Variants in KDM7A observed in about 807,000 individuals in gnomAD.
The protein encoded by KDM7A is lysine demethylase 7A.
A neutral mutation model predicts 114.8 loss-of-function variants in KDM7A; 28 were observed. The ratio of observed to expected loss-of-function variants is 0.24; its 90% CI spans 0.18 to 0.33. The LOEUF (loss-of-function observed/expected upper bound fraction) is 0.33. Among genes scored for constraint, KDM7A ranks in the 10% least tolerant of loss-of-function variants. The probability of loss-of-function intolerance (pLI) is 1.00; values close to 1 mark genes in which losing one functional copy is unlikely to be tolerated. For synonymous variants in KDM7A, 423 were observed against 397.8 expected (o/e 1.06, Z -0.75); for missense variants, 942 against 1,142.5 (o/e 0.82, Z 2.53).
intron 1 of KDM7A, among the ~76,000 whole-genome samples, chr7:140,152,558 A>C (rs1280540944): frequency 2.0e-5 from 3 of 151,604 alleles, no homozygotes; most frequent in African/African-American, 7.3e-5. Flanking sequence ...CGGGAGGCGG[A>C]GGTTACAGTG....
At chr7:140,116,095 A>T (rs1190588608) in intron 9 of KDM7A, among the ~76,000 whole-genome samples, 1 of 152,202 alleles carries the variant, frequency 6.6e-6, no homozygotes, top group Non-Finnish European at 1.5e-5. Context: ...AATTGGAAAC[A>T]ATTTGGCAGC....
At chr7:140,134,027 T>A (rs1005348770) in intron 2 of KDM7A, among the ~76,000 whole-genome samples, 2 of 152,208 alleles carry the variant, frequency 1.3e-5, no homozygotes, top group Admixed American at 1.3e-4. Context: ...ATAATCCAAA[T>A]CGTCTTCTCA....
intron 17 of KDM7A, among the ~76,000 whole-genome samples, chr7:140,095,981 T>C (rs111962388): frequency 2.0e-5 from 3 of 152,202 alleles, no homozygotes; most frequent in Non-Finnish European, 2.9e-5. Flanking sequence ...ATATTTATTA[T>C]ATAGGCATTC....
In KDM7A at chr7:140,099,053, T is replaced by C. The variant is rs760008346; in HGVS notation, c.1764-20A>G. On this transcript the variant is annotated intron_variant, in intron 13 of 19. Transcript: ENST00000397560. ...TCATCTCTGTATTAAGAAGGAAAAG[T>C]AATCAGAATATAGTGCAAGACTCTG... 14 of 1,589,492 alleles carry C rather than the reference T, an allele frequency of 8.8e-6. No individual in the cohort carries two copies. The South Asian group carries it at 1.2e-4, about 14-fold the overall frequency.
intron 11 of KDM7A, among the ~76,000 whole-genome samples, chr7:140,105,923 C>G (rs1025311178): frequency 3.3e-5 from 5 of 152,016 alleles, no homozygotes; most frequent in African/African-American, 1.2e-4. Context: ...TGGTCCTGGA[C>G]TTTTTTTGGG....
chr7:140,161,944 T>C (rs369481171), intron 1 of KDM7A, among the ~76,000 whole-genome samples: 25 of 152,274 alleles, frequency 1.6e-4, no homozygotes, highest in East Asian at 9.6e-4. Flanking sequence ...CTGACAACAG[T>C]TTTTGCACAT....
chr7:140,101,156 C>T (rs1818218990), intron 12 of KDM7A, among the ~76,000 whole-genome samples: 3 of 152,000 alleles, frequency 2.0e-5, no homozygotes. Flanking sequence ...TTTAAAATGG[C>T]TGCTTATCCT....
intron 1 of KDM7A, among the ~76,000 whole-genome samples, chr7:140,172,109 G>C (rs1230570787): frequency 3.3e-5 from 5 of 152,130 alleles, no homozygotes; most frequent in Admixed American, 3.3e-4. Flanking sequence ...CACTGTAGGT[G>C]AAAGTAGAAA....
chr7:140,098,450 C>T (rs1345876635), intron 14 of KDM7A, among the ~76,000 whole-genome samples: 3 of 152,154 alleles, frequency 2.0e-5, no homozygotes, highest in African/African-American at 7.2e-5. Context: ...TCAATTAAAA[C>T]CACAATGCAT....
At position 140,094,125 on chromosome 7, in the gene KDM7A, C is replaced by A; in HGVS notation, c.2388G>T (p.Lys796Asn). 6.3e-7 allele frequency: 1 copy of A among 1,589,844 alleles called. No homozygotes were observed. Among genetic ancestry groups the A allele is most frequent in the South Asian group, 1.1e-5 (1 of 90,564 alleles). ...AAGTCCTCAAGTCTGGATCTTCAGTCTTGACATGGTATCCTAAAGAGAAGT... is the reference window on the plus strand; with the variant it reads ...AAGTCCTCAAGTCTGGATCTTCAGTATTGACATGGTATCCTAAAGAGAAGT... The part of the protein sequence containing the change: ...DKPVECGYHV[K>N]TEDPDLRTSS... Residue 796 changes from lysine (K) to asparagine (N), a missense_variant, in exon 18 of 20, where the codon AAG (lysine) becomes AAT (asparagine). By Grantham distance (94) the Lys-to-Asn change is moderately conservative. Coordinates refer to ENST00000397560, the MANE Select transcript of KDM7A (RefSeq NM_030647.2).
intron 11 of KDM7A, 89 bp downstream of exon 11, chr7:140,111,006 T>G: frequency 5.5e-6 from 4 of 732,052 alleles, no homozygotes; most frequent in Non-Finnish European, 9.0e-6. Context: ...GTGTAAGAGT[T>G]TTTAAATATT....
In KDM7A at chr7:140,100,951, G is replaced by A. The variant is rs1485074494; in HGVS notation, c.1639-928C>T. On this transcript the variant is annotated intron_variant, in intron 12 of 19. Transcript: ENST00000397560. ...AATTTTTTGTATTTTTAGTAGAGACGGGGTTTCACCGTGGTCTCGATCTCC... is the reference window on the plus strand; with the variant it reads ...AATTTTTTGTATTTTTAGTAGAGACAGGGTTTCACCGTGGTCTCGATCTCC... Among the ~76,000 whole-genome samples, 5 of 150,600 alleles carry A rather than the reference G, an allele frequency of 3.3e-5. 1 individual carries two copies. The highest frequency in any genetic ancestry group is 6.8e-3 in the Middle Eastern group (2 of 292).
intron 1 of KDM7A, among the ~76,000 whole-genome samples, chr7:140,144,105 G>A (rs184928629): frequency 1.6e-3 from 251 of 152,260 alleles, no homozygotes; most frequent in Non-Finnish European, 2.4e-3. Context: ...CACACTTCCC[G>A]ACTTCAAACT....
At chr7:140,174,580 G>A (rs1009325737) in intron 1 of KDM7A, among the ~76,000 whole-genome samples, 2 of 152,088 alleles carry the variant, frequency 1.3e-5, no homozygotes, top group Non-Finnish European at 2.9e-5. Context: ...TATCAAATCC[G>A]CATTGCATAA....
At chr7:140,122,746 A>C (rs1818635720) in intron 7 of KDM7A, among the ~76,000 whole-genome samples, 2 of 152,244 alleles carry the variant, frequency 1.3e-5, no homozygotes. Context: ...GCTGATACTC[A>C]GTCCTTTCTT....
intron 11 of KDM7A, 105 bp downstream of exon 11, chr7:140,110,990 C>A (rs904423697): frequency 3.3e-6 from 2 of 606,988 alleles, no homozygotes; most frequent in Non-Finnish European, 2.8e-6. Context: ...TATATTTCTT[C>A]TAAGTGTGTA....
chr7:140,097,231 A>T (rs918354053), intron 15 of KDM7A, among the ~76,000 whole-genome samples, 184 bp from the exon 16 acceptor site: 4 of 152,192 alleles, frequency 2.6e-5, no homozygotes, highest in African/African-American at 9.7e-5. Flanking sequence ...TACCTTGATT[A>T]AAAAAATACA....
chr7:140,164,537 C>A (rs897070904), intron 1 of KDM7A, among the ~76,000 whole-genome samples: 2 of 152,156 alleles, frequency 1.3e-5, no homozygotes, highest in African/African-American at 4.8e-5. Context: ...AAGAAACTTA[C>A]AAGATGTAGC....
intron 1 of KDM7A, among the ~76,000 whole-genome samples, chr7:140,170,698 T>A (rs1794629083): frequency 6.6e-6 from 1 of 152,216 alleles, no homozygotes; most frequent in Admixed American, 6.5e-5. Flanking sequence ...TTGTAAAACA[T>A]TCGATAAGTG....
Sources: allele counts gnomAD v4.1 joint callset (sites outside exome capture counted in the v4.1 genomes callset), GRCh38; gene constraint gnomAD v4.1.1; transcripts MANE v1.5; gene names NCBI Gene and HGNC (gene_info 2026-07-23, HGNC 2026-07-21).